LMX1A: variants seen among roughly 807,000 people sequenced by gnomAD.
LMX1A encodes LIM homeobox transcription factor 1-alpha.
Under a neutral mutation model 49.1 loss-of-function variants are expected in LMX1A, and 15 were observed. The observed-to-expected ratio is 0.31, with a 90% CI of 0.20 to 0.47. The LOEUF is 0.47. LMX1A is among the 20% of genes least tolerant of loss of function. The pLI, the probability that LMX1A is intolerant of heterozygous loss-of-function variation, is 1.00. For synonymous variants in LMX1A, 167 were observed against 185.7 expected, an observed-to-expected ratio of 0.90 and a Z score of 0.82; for missense variants, 372 against 475.8, an observed-to-expected ratio of 0.78 and a Z score of 2.03.
chr1:165,296,533 C>T (rs1654627080), intron 3 of LMX1A, among the ~76,000 whole-genome samples: 1 of 152,286 alleles, frequency 6.6e-6, no homozygotes, highest in Non-Finnish European at 1.5e-5. Context: ...ATCACGTTGA[C>T]TGTGTCACCT....
intron 3 of LMX1A, among the ~76,000 whole-genome samples, chr1:165,340,129 A>G (rs966228203): frequency 6.6e-5 from 10 of 152,090 alleles, no homozygotes; most frequent in Non-Finnish European, 1.5e-4. Flanking sequence ...GTTTTTTGAG[A>G]CAGGGTCTTG....
intron 3 of LMX1A, among the ~76,000 whole-genome samples, chr1:165,336,039 C>T (rs912901724): frequency 3.3e-5 from 5 of 152,092 alleles, no homozygotes; most frequent in African/African-American, 1.2e-4. Flanking sequence ...TAATTAGCAT[C>T]CATTTATCGA....
chr1:165,222,305 C>T (rs1651881264), intron 4 of LMX1A, among the ~76,000 whole-genome samples: 1 of 152,190 alleles, frequency 6.6e-6, no homozygotes. Context: ...GATAAAAGCT[C>T]ATTAATCCAG....
chr1:165,286,792 G>GA (rs1654315237), intron 3 of LMX1A, among the ~76,000 whole-genome samples: 2 of 152,176 alleles, frequency 1.3e-5, no homozygotes, highest in African/African-American at 2.4e-5. Flanking sequence ...CTGAAAACAA[G>GA]CCCTTTCCAA....
rs772268244 is a variant in LMX1A, at chr1:165,249,643, G to A, written c.264-3C>T. ...CCCCACATTTAACAGCAAACAGCCT[G>A]GCAGCAGGGAGAAAGGAAGTACATG... On this transcript the variant is annotated splice_region_variant and splice_polypyrimidine_tract_variant and intron_variant, in intron 3 of 8. Coordinates refer to ENST00000342310, the MANE Select transcript of LMX1A (RefSeq NM_177398.4). 1.9e-6 allele frequency: 3 copies of A among 1,612,182 alleles called. No individual in the cohort carries two copies. In the South Asian group the frequency reaches 3.3e-5, roughly 18 times the overall value.
intron 3 of LMX1A, among the ~76,000 whole-genome samples, chr1:165,258,451 A>G (rs909091642): frequency 2.0e-5 from 3 of 152,180 alleles, no homozygotes; most frequent in African/African-American, 7.2e-5. Flanking sequence ...TGCATGGACA[A>G]TAGAGTGGCA....
chr1:165,260,327 T>C (rs1653394043), intron 3 of LMX1A, among the ~76,000 whole-genome samples: 1 of 151,996 alleles, frequency 6.6e-6, no homozygotes, highest in Non-Finnish European at 1.5e-5. Flanking sequence ...AGAATGTATA[T>C]TTCCTGGTGT....
At chr1:165,290,904 G>A (rs1440559220) in intron 3 of LMX1A, among the ~76,000 whole-genome samples, 2 of 152,154 alleles carry the variant, frequency 1.3e-5, no homozygotes, top group Non-Finnish European at 2.9e-5. Context: ...TGATTCTGAT[G>A]CACATAATGT....
At chr1:165,292,074 A>C (rs982290859) in intron 3 of LMX1A, among the ~76,000 whole-genome samples, 11 of 151,372 alleles carry the variant, frequency 7.3e-5, no homozygotes, top group African/African-American at 2.2e-4. Context: ...AAAAAAAAAA[A>C]AAAAAAAAAA....
At chr1:165,275,026 A>T (rs1374326401) in intron 3 of LMX1A, among the ~76,000 whole-genome samples, 1 of 152,120 alleles carries the variant, frequency 6.6e-6, no homozygotes, top group Non-Finnish European at 1.5e-5. Flanking sequence ...TGCCAGAGTG[A>T]ATTTTTTTGG....
At position 165,284,225 on chromosome 1, in the gene LMX1A, T is replaced by G. The variant is rs144664414; in HGVS notation, c.264-34585A>C. 3.7e-4 allele frequency among the ~76,000 whole-genome samples: 56 copies of G among 152,344 alleles called. No homozygotes were observed. The East Asian group carries it at 0.01, about 28-fold the overall frequency. On this transcript the variant is annotated intron_variant, in intron 3 of 8. Coordinates refer to ENST00000342310, the MANE Select transcript of LMX1A (RefSeq NM_177398.4). ...TGACAGGGCTGTCTTGAGGAACAAG[T>G]AAGTATATGAAAGCACTTTGCACAT... is the stretch of plus-strand genomic sequence containing the variant.
At chr1:165,329,531 A>G (rs1411296441) in intron 3 of LMX1A, among the ~76,000 whole-genome samples, 1 of 152,180 alleles carries the variant, frequency 6.6e-6, no homozygotes, top group Non-Finnish European at 1.5e-5. Flanking sequence ...TAAAGGGAGT[A>G]AAATTGAACA....
chr1:165,251,948 C>T (rs894886383), intron 3 of LMX1A, among the ~76,000 whole-genome samples: 1 of 152,190 alleles, frequency 6.6e-6, no homozygotes, highest in African/African-American at 2.4e-5. Context: ...GATAACCATG[C>T]AAAATCTTGG....
intron 3 of LMX1A, among the ~76,000 whole-genome samples, chr1:165,332,108 C>A (rs1301787619): frequency 6.6e-6 from 1 of 151,506 alleles, no homozygotes; most frequent in Non-Finnish European, 1.5e-5. Context: ...CTGAGAACAA[C>A]CACTAAAAAA....
chr1:165,262,902 C>T (rs1258052374), intron 3 of LMX1A, among the ~76,000 whole-genome samples: 2 of 152,156 alleles, frequency 1.3e-5, no homozygotes. Context: ...ACTTATCCCA[C>T]CTTTTCTAAC....
At chr1:165,346,241 T>C (rs990661039) in intron 3 of LMX1A, among the ~76,000 whole-genome samples, 2 of 152,274 alleles carry the variant, frequency 1.3e-5, no homozygotes, top group South Asian at 2.1e-4. Context: ...GATCGATCTA[T>C]TGGTGCAAGG....
intron 4 of LMX1A, among the ~76,000 whole-genome samples, chr1:165,234,602 C>T (rs1249488239): frequency 6.6e-6 from 1 of 152,106 alleles, no homozygotes; most frequent in Non-Finnish European, 1.5e-5. Flanking sequence ...AAAATGTTTG[C>T]TGAACTGGCC....
chr1:165,285,505 G>A (rs777277774), intron 3 of LMX1A, among the ~76,000 whole-genome samples: 31 of 152,264 alleles, frequency 2.0e-4, no homozygotes, highest in Non-Finnish European at 4.0e-4. Context: ...GTGTCTCTGC[G>A]TTGTCTGGCA....
At chr1:165,253,175 G>C (rs960131637) in intron 3 of LMX1A, among the ~76,000 whole-genome samples, 1 of 152,144 alleles carries the variant, frequency 6.6e-6, no homozygotes, top group African/African-American at 2.4e-5. Flanking sequence ...TAGTGGGAGA[G>C]AGTAAACAAA....
Sources: gnomAD v4.1 joint callset for allele counts (sites outside exome capture counted in the v4.1 genomes callset) on GRCh38, gnomAD v4.1.1 for gene constraint, MANE v1.5 for transcripts, NCBI Gene and HGNC (gene_info 2026-07-23, HGNC 2026-07-21) for gene names.